Variants in BBS9 observed in about 807,000 individuals in gnomAD.
BBS9 encodes the protein protein PTHB1.
BBS9 carries 89 observed loss-of-function variants against 117.7 expected under a neutral mutation model. That is an observed-to-expected ratio of 0.76 (90% confidence interval 0.64 to 0.90). The LOEUF (loss-of-function observed/expected upper bound fraction) is 0.90. Among genes scored for constraint, BBS9 ranks in the 40% least tolerant of loss-of-function variants. The pLI, the probability that BBS9 is intolerant of heterozygous loss-of-function variation, is 0.00. For missense variants in BBS9, 982 were observed against 1,042.2 expected (o/e 0.94, Z 0.80); for synonymous variants, 379 against 370.9 (o/e 1.02, Z -0.25).
intron 21 of BBS9, among the ~76,000 whole-genome samples, chr7:33,630,058 T>A (rs1299295111): frequency 2.6e-5 from 2 of 77,394 alleles, no homozygotes; most frequent in African/African-American, 1.9e-4. Context: ...CTATTTACAT[T>A]TTTTTTTGTA....
chr7:33,285,748 T>A (rs1802762199), intron 9 of BBS9, among the ~76,000 whole-genome samples: 1 of 152,152 alleles, frequency 6.6e-6, no homozygotes, highest in African/African-American at 2.4e-5. Flanking sequence ...GCTATTTTGA[T>A]AAGTGTTTTA....
chr7:33,317,893 C>T (rs1164114167), intron 9 of BBS9, among the ~76,000 whole-genome samples: 1 of 152,094 alleles, frequency 6.6e-6, no homozygotes, highest in Non-Finnish European at 1.5e-5. Context: ...CTAATAAAAA[C>T]ACAAAAATTA....
chr7:33,528,591 AATAT>A (rs1465597092), intron 20 of BBS9, among the ~76,000 whole-genome samples: 3 of 152,214 alleles, frequency 2.0e-5, no homozygotes, highest in Non-Finnish European at 4.4e-5. Flanking sequence ...AGTAGGATTG[AATAT>A]ATTTTCTCAT....
At chr7:33,578,086 A>G (rs1485647183) in intron 21 of BBS9, among the ~76,000 whole-genome samples, 1 of 152,196 alleles carries the variant, frequency 6.6e-6, no homozygotes, top group African/African-American at 2.4e-5. Context: ...AAGTCTGAAA[A>G]TTGGATTCAG....
intron 16 of BBS9, among the ~76,000 whole-genome samples, chr7:33,366,381 C>G: frequency 6.6e-6 from 1 of 151,928 alleles, no homozygotes; most frequent in East Asian, 1.9e-4. Context: ...TACATGGGCC[C>G]TTGAGCTCCC....
chr7:33,383,558 C>T (rs1825463820), intron 17 of BBS9, 108 bp from the exon 18 acceptor site: 6 of 1,024,334 alleles, frequency 5.9e-6, no homozygotes, highest in South Asian at 5.8e-5. Flanking sequence ...ATCTTTGTTA[C>T]AAAAATGAAA....
At chr7:33,137,296 C>T (rs1790654224) in intron 1 of BBS9, among the ~76,000 whole-genome samples, 1 of 152,214 alleles carries the variant, frequency 6.6e-6, no homozygotes, top group Admixed American at 6.5e-5. Flanking sequence ...GTGGGCACTT[C>T]CAAACTGCAG....
At chr7:33,307,740 A>C (rs1394300964) in intron 9 of BBS9, among the ~76,000 whole-genome samples, 2 of 151,656 alleles carry the variant, frequency 1.3e-5, no homozygotes, top group African/African-American at 4.8e-5. Flanking sequence ...ACAAGAAAAA[A>C]GTCTTTGCGT....
chr7:33,340,667 A>G (rs940576721), intron 10 of BBS9, among the ~76,000 whole-genome samples: 4 of 152,190 alleles, frequency 2.6e-5, no homozygotes, highest in Admixed American at 2.0e-4. Context: ...TGGTCAGTCA[A>G]TGGCTCACAT....
intron 19 of BBS9, among the ~76,000 whole-genome samples, chr7:33,452,147 T>C (rs1837976344): frequency 6.6e-6 from 1 of 152,198 alleles, no homozygotes; most frequent in Non-Finnish European, 1.5e-5. Flanking sequence ...AGTGGAATTT[T>C]GATATAGGGA....
intron 5 of BBS9, among the ~76,000 whole-genome samples, chr7:33,205,093 C>T (rs1307357156): frequency 1.3e-5 from 2 of 152,198 alleles, no homozygotes; most frequent in Non-Finnish European, 2.9e-5. Context: ...TATTGCAAAG[C>T]AGCCATCTAG....
At chr7:33,232,496 A>G (rs908512326) in intron 5 of BBS9, among the ~76,000 whole-genome samples, 13 of 152,262 alleles carry the variant, frequency 8.5e-5, no homozygotes, top group Admixed American at 7.2e-4. Flanking sequence ...TTAAAATGGT[A>G]AACTGTGATT....
chr7:33,623,355 A>C (rs1321305316), intron 21 of BBS9, among the ~76,000 whole-genome samples: 2 of 152,188 alleles, frequency 1.3e-5, no homozygotes, highest in Non-Finnish European at 2.9e-5. Context: ...CATCTACCAG[A>C]TAGGAGAAAA....
rs184141272 is a variant in BBS9, at chr7:33,444,909, T to C, written c.2115+56765T>C. Among the ~76,000 whole-genome samples, 23 of 152,362 alleles carry C rather than the reference T, an allele frequency of 1.5e-4. No individual in the cohort carries two copies. The East Asian group carries it at 4.1e-3, about 27-fold the overall frequency. On this transcript the variant is annotated intron_variant, in intron 19 of 22. Transcript: ENST00000242067. The stretch of plus-strand genomic sequence containing the variant: ...CAGTTGAAAATTTTGCGAAAGCTCT[T>C]ATTTTAGGGCAAGTAGTGGCTGGTT...
At chr7:33,331,882 G>A (rs766943981) in intron 9 of BBS9, among the ~76,000 whole-genome samples, 2 of 152,076 alleles carry the variant, frequency 1.3e-5, no homozygotes, top group Non-Finnish European at 2.9e-5. Flanking sequence ...AATGCCCAAA[G>A]CAATCTATAG....
intron 6 of BBS9, among the ~76,000 whole-genome samples, chr7:33,260,979 A>G (rs145829720): frequency 1.3e-5 from 2 of 152,360 alleles, no homozygotes; most frequent in African/African-American, 4.8e-5. Flanking sequence ...GACTGTTTTA[A>G]AAAGAAGTAT....
chr7:33,588,066 A>G (rs1267770155), intron 21 of BBS9, among the ~76,000 whole-genome samples: 2 of 152,222 alleles, frequency 1.3e-5, no homozygotes, highest in African/African-American at 2.4e-5. Context: ...ATTATCAAGA[A>G]CTGGAATTAC....
intron 21 of BBS9, among the ~76,000 whole-genome samples, chr7:33,554,714 C>T (rs1220517481): frequency 6.6e-6 from 1 of 152,120 alleles, no homozygotes; most frequent in East Asian, 1.9e-4. Context: ...GGGGAAAAGC[C>T]TGGGCTGCAG....
chr7:33,514,926 T>C (rs562513751), intron 20 of BBS9, among the ~76,000 whole-genome samples: 66 of 152,306 alleles, frequency 4.3e-4, no homozygotes, highest in African/African-American at 1.6e-3. Flanking sequence ...TTCAAAGGTG[T>C]GCATGTTTCA....
Sources: gnomAD v4.1 joint callset for allele counts (sites outside exome capture counted in the v4.1 genomes callset) on GRCh38, gnomAD v4.1.1 for gene constraint, MANE v1.5 for transcripts, NCBI Gene and HGNC (gene_info 2026-07-23, HGNC 2026-07-21) for gene names.